ADAM29: variants seen among roughly 807,000 people sequenced by gnomAD.
The protein encoded by ADAM29 is ADAM metallopeptidase domain 29, also known as disintegrin and metalloproteinase domain-containing protein 29.
For missense variants in ADAM29, 969 were observed against 1,001.8 expected (o/e 0.97, Z 0.44); for synonymous variants, 367 against 342.3 (o/e 1.07, Z -0.80).
At chr4:174,935,144 G>A (rs537213411) in intron 3 of ADAM29, among the ~76,000 whole-genome samples, 110 of 152,182 alleles carry the variant, frequency 7.2e-4, no homozygotes, top group African/African-American at 2.5e-3. Flanking sequence ...CAATTGAGGA[G>A]CCCTTGTTTG....
rs1746860403 is a variant in ADAM29, at chr4:174,977,003, G to A, written c.1478G>A (p.Cys493Tyr). The part of the protein sequence containing the change: ...DGIPCKERGY[C>Y]YEKSCHDRNE... The stretch of plus-strand genomic sequence containing the variant: ...ATTCCCTGTAAGGAGAGGGGCTACT[G>A]CTATGAAAAGAGCTGTCATGACCGC... Residue 493 changes from cysteine to tyrosine, a missense_variant, in exon 5 of 5, where the codon TGC (cysteine) becomes TAC (tyrosine). Transcript: ENST00000359240. 6.2e-7 allele frequency: 1 copy of A among 1,614,046 alleles called. No individual in the cohort carries two copies. The highest frequency in any genetic ancestry group is 8.5e-7 in the Non-Finnish European group (1 of 1,180,048).
At chr4:174,973,213 A>G (rs967439089) in intron 4 of ADAM29, among the ~76,000 whole-genome samples, 1 of 152,226 alleles carries the variant, frequency 6.6e-6, no homozygotes, top group African/African-American at 2.4e-5. Context: ...GACCAGTCAG[A>G]GCTCCAACTG....
Position 174,977,859 on chromosome 4 carries a change from AC to A in ADAM29, c.2336del (p.Pro779LeufsTer3). On this transcript the variant is annotated frameshift_variant, in exon 5 of 5. Coordinates refer to ENST00000359240, the MANE Select transcript of ADAM29 (RefSeq NM_014269.4). LOFTEE classifies it low-confidence loss of function (END_TRUNC). ...QPRVMPSQSQ[P>X]PVMPSQSHPQ... ...CTCGGGTGATGCCTTCTCAGAGTCA[AC>A]CTCCTGTGATGCCTTCCCAGAGTCA... is the stretch of plus-strand genomic sequence containing the variant. 6.3e-7 allele frequency: 1 copy of A among 1,586,774 alleles called. No individual in the cohort carries two copies. Among genetic ancestry groups the A allele is most frequent in the Non-Finnish European group, 8.6e-7 (1 of 1,165,542 alleles).
chr4:174,970,993 G>A (rs1381429934), intron 4 of ADAM29, among the ~76,000 whole-genome samples: 1 of 152,034 alleles, frequency 6.6e-6, no homozygotes, highest in Non-Finnish European at 1.5e-5. Context: ...TCACACACAG[G>A]AGCTCTAACA....
chr4:174,970,447 C>A (rs987241916), intron 4 of ADAM29, among the ~76,000 whole-genome samples: 1 of 151,742 alleles, frequency 6.6e-6, no homozygotes, highest in African/African-American at 2.4e-5. Flanking sequence ...TACCTCAAAC[C>A]ACCCTTGAAA....
intron 4 of ADAM29, among the ~76,000 whole-genome samples, chr4:174,973,268 A>G (rs558688965): frequency 1.3e-5 from 2 of 152,278 alleles, no homozygotes; most frequent in African/African-American, 4.8e-5. Flanking sequence ...ATTTTGGAGT[A>G]CTGGACACAA....
At chr4:174,962,442 G>A (rs1464878531) in intron 4 of ADAM29, among the ~76,000 whole-genome samples, 2 of 150,864 alleles carry the variant, frequency 1.3e-5, no homozygotes, top group African/African-American at 4.9e-5. Flanking sequence ...AACCCGGGAA[G>A]CAGAGCTTGC....
chr4:174,943,227 C>T (rs1579034341), intron 4 of ADAM29, among the ~76,000 whole-genome samples: 1 of 152,262 alleles, frequency 6.6e-6, no homozygotes, highest in Non-Finnish European at 1.5e-5. Flanking sequence ...CCACATCTTC[C>T]TGTCTTTTTC....
chr4:174,943,519 A>T (rs1744664554), intron 4 of ADAM29, among the ~76,000 whole-genome samples: 1 of 152,210 alleles, frequency 6.6e-6, no homozygotes, highest in Admixed American at 6.5e-5. Context: ...AGCAGGAAAG[A>T]GAGAGAGCAA....
intron 4 of ADAM29, among the ~76,000 whole-genome samples, chr4:174,956,071 A>G (rs932336989): frequency 1.3e-5 from 2 of 152,176 alleles, no homozygotes. Context: ...CTCATGCTAT[A>G]TGGCCAGTTA....
At chr4:174,973,868 G>A (rs964796268) in intron 4 of ADAM29, among the ~76,000 whole-genome samples, 22 of 152,278 alleles carry the variant, frequency 1.4e-4, no homozygotes, top group African/African-American at 4.6e-4. Context: ...ATTTGATAGA[G>A]GGCTAGGAAA....
At chr4:174,926,721 CAA>C (rs34308315) in intron 2 of ADAM29, among the ~76,000 whole-genome samples, 1,160 of 107,566 alleles carry the variant, frequency 0.011, 16 homozygotes, top group African/African-American at 0.033. Flanking sequence ...AGACCATGTC[CAA>C]AAAAAAAAAA....
intron 4 of ADAM29, among the ~76,000 whole-genome samples, chr4:174,957,939 C>T (rs1745597366): frequency 6.6e-6 from 1 of 151,820 alleles, no homozygotes; most frequent in Non-Finnish European, 1.5e-5. Context: ...ATTCACTGCT[C>T]ATGGATCACA....
At chr4:174,961,673 T>A (rs1223539795) in intron 4 of ADAM29, among the ~76,000 whole-genome samples, 3 of 152,160 alleles carry the variant, frequency 2.0e-5, no homozygotes, top group Admixed American at 2.0e-4. Context: ...CTAAACCATT[T>A]CATAATAAGA....
chr4:174,965,109 G>C (rs1366355064), intron 4 of ADAM29, among the ~76,000 whole-genome samples: 1 of 152,082 alleles, frequency 6.6e-6, no homozygotes, highest in African/African-American at 2.4e-5. Flanking sequence ...CAGAATACTT[G>C]AGGCTGGATA....
At chr4:174,930,440 T>G (rs987820050) in intron 2 of ADAM29, among the ~76,000 whole-genome samples, 1 of 152,200 alleles carries the variant, frequency 6.6e-6, no homozygotes, top group Non-Finnish European at 1.5e-5. Context: ...GTCTGGCAGC[T>G]GCTTACTGAT....
intron 2 of ADAM29, among the ~76,000 whole-genome samples, chr4:174,922,473 A>C (rs1743219921): frequency 6.6e-6 from 1 of 152,156 alleles, no homozygotes. Context: ...AACATTTATA[A>C]GGTAATTCTT....
intron 2 of ADAM29, among the ~76,000 whole-genome samples, chr4:174,923,543 A>G (rs966395174): frequency 1.0e-4 from 14 of 140,472 alleles, no homozygotes; most frequent in South Asian, 4.4e-4. Flanking sequence ...ATATATATAT[A>G]TATATATATA....
intron 4 of ADAM29, among the ~76,000 whole-genome samples, chr4:174,962,750 GT>G (rs534448076): frequency 6.7e-4 from 101 of 151,792 alleles, no homozygotes; most frequent in African/African-American, 2.4e-3. Flanking sequence ...AATACATACA[GT>G]TTTATATGTC....
Sources: allele counts gnomAD v4.1 joint callset (sites outside exome capture counted in the v4.1 genomes callset), GRCh38; gene constraint gnomAD v4.1.1; transcripts MANE v1.5; gene names NCBI Gene and HGNC (gene_info 2026-07-23, HGNC 2026-07-21).